FBXO32: variants seen among roughly 807,000 people sequenced by gnomAD.
The protein encoded by FBXO32 is F-box only protein 32.
FBXO32 carries 15 observed loss-of-function variants against 48.3 expected under a neutral mutation model. That is an observed-to-expected ratio of 0.31 (90% CI 0.21 to 0.48). FBXO32 has a LOEUF of 0.48. Among genes scored for constraint, FBXO32 ranks in the 20% least tolerant of loss-of-function variants. FBXO32 has a pLI of 0.99. For synonymous variants in FBXO32, 154 were observed against 165.9 expected, an observed-to-expected ratio of 0.93 and a Z score of 0.55; for missense variants, 309 against 432.7, an observed-to-expected ratio of 0.71 and a Z score of 2.54.
intron 1 of FBXO32, among the ~76,000 whole-genome samples, chr8:123,535,388 A>T (rs1486059382): frequency 1.3e-5 from 2 of 152,080 alleles, no homozygotes; most frequent in African/African-American, 4.8e-5. Context: ...TGACTTATAA[A>T]CTCCATTTCT....
At position 123,502,912 on chromosome 8, in the gene FBXO32, A is replaced by AC. The variant is rs748319201; in HGVS notation, c.*460dup. ...CTTCTCAAAACAAACACCAGATCAA[A>AC]CCCCAAAGCCCAGGAATTTCTCCTA... On this transcript the variant is annotated 3_prime_UTR_variant, in exon 9 of 9. Coordinates refer to ENST00000517956, the MANE Select transcript of FBXO32 (RefSeq NM_058229.4). 6.4e-4 allele frequency: 99 copies of AC among 153,632 alleles called. No homozygotes were observed. The highest frequency in any genetic ancestry group is 3.4e-3 in the Middle Eastern group (1 of 296). The allele number at this position is 153,632 out of a possible 1,614,324, so 9.5% of individuals were successfully genotyped here. A position where few individuals can be genotyped will look rare whatever the true frequency, so the allele number is the denominator to read the frequency against.
At chr8:123,518,833 T>C in intron 4 of FBXO32, among the ~76,000 whole-genome samples, 1 of 152,160 alleles carries the variant, frequency 6.6e-6, no homozygotes, top group Non-Finnish European at 1.5e-5. Context: ...TTTCTTTTTT[T>C]TTTGTTGAGA....
At chr8:123,526,742 ATC>A (rs910763746) in intron 4 of FBXO32, among the ~76,000 whole-genome samples, 1 of 152,178 alleles carries the variant, frequency 6.6e-6, no homozygotes. Context: ...TTCATAGCCT[ATC>A]TGCCTCTACC....
chr8:123,509,780 C>CAATAT (rs1816700863), intron 6 of FBXO32, among the ~76,000 whole-genome samples: 2 of 152,108 alleles, frequency 1.3e-5, no homozygotes, highest in Admixed American at 6.5e-5. Context: ...GTACAGCTCT[C>CAATAT]AATATAAGGA....
chr8:123,509,249 T>C (rs1816690261), intron 6 of FBXO32, among the ~76,000 whole-genome samples: 1 of 152,190 alleles, frequency 6.6e-6, no homozygotes, highest in African/African-American at 2.4e-5. Flanking sequence ...TAGAAAGCAT[T>C]TACTCTGAAA....
intron 1 of FBXO32, among the ~76,000 whole-genome samples, chr8:123,537,028 G>C (rs1817322052): frequency 6.6e-6 from 1 of 152,230 alleles, no homozygotes; most frequent in Non-Finnish European, 1.5e-5. Context: ...TTAGGTTTTA[G>C]ATTCCGGAGG....
At chr8:123,538,536 G>C (rs542718968) in intron 1 of FBXO32, among the ~76,000 whole-genome samples, 35 of 152,154 alleles carry the variant, frequency 2.3e-4, no homozygotes, top group Non-Finnish European at 4.6e-4. Context: ...ACCAAAAACA[G>C]TGAGGATATT....
intron 1 of FBXO32, among the ~76,000 whole-genome samples, chr8:123,538,653 C>A (rs1283500557): frequency 6.6e-6 from 1 of 152,106 alleles, no homozygotes; most frequent in Non-Finnish European, 1.5e-5. Flanking sequence ...AAAAAAAATA[C>A]CCTGCAAACA....
chr8:123,518,380 C>G (rs1364696549), intron 4 of FBXO32, among the ~76,000 whole-genome samples: 3 of 152,200 alleles, frequency 2.0e-5, no homozygotes, highest in Non-Finnish European at 4.4e-5. Context: ...AGTGAGTTAA[C>G]AGGGCAAAGT....
Position 123,513,139 on chromosome 8 carries a change from T to C in FBXO32, c.651+59A>G. ...AGTGAATTCAAAGTCTTGGCGAGTC[T>C]GTCCAGTATCCCTGTGGAGGGACCC... is the stretch of plus-strand genomic sequence containing the variant. On this transcript the variant is annotated intron_variant, in intron 6 of 8. Transcript: ENST00000517956. The surrounding 1 kb of genome is among the most constrained non-coding windows in gnomAD (Gnocchi z 4.3). 1 of 1,555,688 alleles carries C rather than the reference T, an allele frequency of 6.4e-7. No homozygotes were observed. Among genetic ancestry groups the C allele is most frequent in the Non-Finnish European group, 8.9e-7 (1 of 1,129,748 alleles).
rs373616023 is a variant in FBXO32, at chr8:123,513,353, T to C, written c.496A>G (p.Ile166Val). The C allele has an allele frequency of 2.8e-5, 45 of 1,614,052 alleles. No homozygotes were observed. Among genetic ancestry groups the C allele is most frequent in the Non-Finnish European group, 3.4e-5 (40 of 1,180,010 alleles). The change falls in exon 6 of 9, where the codon ATA (isoleucine) becomes GTA (valine). Residue 166 changes from isoleucine to valine, a missense_variant. Physicochemically the swap from Ile to Val is conservative, Grantham distance 29. Coordinates refer to ENST00000517956, the MANE Select transcript of FBXO32 (RefSeq NM_058229.4). This position sits in a 1 kb window ranked among gnomAD's most constrained non-coding sequence, Gnocchi z 4.3. ...TAGAGGGTCTGGAGTAGTTCCCTTA[T>C]TAGTCTAATGTTTTGCTGGTCTTCA... ...VLEDQQNIRLIRELLQTLYTS... is the reference protein window; with the variant it reads ...VLEDQQNIRLVRELLQTLYTS...
intron 2 of FBXO32, 86 bp from the exon 3 acceptor site, chr8:123,533,326 T>G (rs894444090): frequency 2.4e-5 from 29 of 1,198,926 alleles, no homozygotes; most frequent in Non-Finnish European, 3.5e-5. Context: ...TCCAAAGTTT[T>G]AAAAGTTTTG....
chr8:123,517,471 C>A (rs1211414647), intron 4 of FBXO32, among the ~76,000 whole-genome samples: 1 of 132,290 alleles, frequency 7.6e-6, no homozygotes, highest in Non-Finnish European at 1.7e-5. Flanking sequence ...GGAAAGTCCC[C>A]CCTACCTTTT....
intron 4 of FBXO32, among the ~76,000 whole-genome samples, chr8:123,523,608 C>A (rs1817009198): frequency 1.4e-5 from 2 of 141,492 alleles, no homozygotes; most frequent in South Asian, 4.4e-4. Flanking sequence ...CAAACAACAA[C>A]AACAACAACA....
rs759985681 is a variant in FBXO32 at position 123,531,899 on chromosome 8, C to T, written c.371G>A (p.Arg124Gln). Reference protein sequence around the residue: ...LDSRRFNYVVRLLELIAKSQL... With the variant: ...LDSRRFNYVVQLLELIAKSQL... ...AGCCTTTAGGCACTTGAGACTTACC[C>T]GGACCACGTAGTTAAATCTTCTGGA... Residue 124 changes from arginine (R) to glutamine (Q), a missense_variant and splice_region_variant, in exon 4 of 9, where the codon CGG becomes CAG. Coordinates refer to ENST00000517956, the MANE Select transcript of FBXO32 (RefSeq NM_058229.4). 9 of 1,613,924 alleles carry T rather than the reference C, an allele frequency of 5.6e-6. No homozygotes were observed. The highest frequency in any genetic ancestry group is 7.6e-6 in the Non-Finnish European group (9 of 1,179,982).
chr8:123,534,320 A>G (rs927881292), intron 2 of FBXO32, among the ~76,000 whole-genome samples: 1 of 152,210 alleles, frequency 6.6e-6, no homozygotes, highest in Non-Finnish European at 1.5e-5. Context: ...AGAAATGTTA[A>G]TAAGATTTAT....
Position 123,506,241 on chromosome 8 carries a change from C to G in FBXO32, c.834+151G>C, listed in dbSNP as rs1816615419. On this transcript the variant is annotated intron_variant, in intron 7 of 8. Transcript: ENST00000517956. The surrounding 1 kb of genome is among the most constrained non-coding windows in gnomAD (Gnocchi z 4.0). ...GAGACCCTGTCTCAAAAAACAAAATCACAAAACTCCTTCAACTGTCATTTT... is the reference window on the plus strand; with the variant it reads ...GAGACCCTGTCTCAAAAAACAAAATGACAAAACTCCTTCAACTGTCATTTT... 1.1e-6 allele frequency: 1 copy of G among 870,286 alleles called. No individual in the cohort carries two copies. The highest frequency in any genetic ancestry group is 1.8e-6 in the Non-Finnish European group (1 of 562,940). The allele number at this position is 870,286 out of a possible 1,614,324, so 53.9% of individuals were successfully genotyped here. A position where few individuals can be genotyped will look rare whatever the true frequency, so the allele number is the denominator to read the frequency against.
Position 123,504,757 on chromosome 8 carries a change from C to A in FBXO32, c.835-10G>T. On this transcript the variant is annotated splice_polypyrimidine_tract_variant and intron_variant, in intron 7 of 8. Coordinates refer to ENST00000517956, the MANE Select transcript of FBXO32 (RefSeq NM_058229.4). ...TTAATCGTTTGCGGATCTAAAAAAT[C>A]AAATGAATAAAGGAAATGACAGGAG... The A allele has an allele frequency of 6.2e-7, 1 of 1,610,822 alleles. No individual in the cohort carries two copies. Among genetic ancestry groups the A allele is most frequent in the South Asian group, 1.1e-5 (1 of 90,316 alleles).
At chr8:123,537,143 C>T (rs921206208) in intron 1 of FBXO32, among the ~76,000 whole-genome samples, 2 of 151,984 alleles carry the variant, frequency 1.3e-5, no homozygotes, top group African/African-American at 2.4e-5. Context: ...AGAGTTCAAT[C>T]GTGTCCTTTT....
Sources: gnomAD v4.1 joint callset for allele counts (sites outside exome capture counted in the v4.1 genomes callset) on GRCh38, gnomAD v4.1.1 for gene constraint, Gnocchi (gnomAD v3.1) non-coding constraint, MANE v1.5 for transcripts, NCBI Gene and HGNC (gene_info 2026-07-23, HGNC 2026-07-21) for gene names.